Variants in DDHD1 observed in about 807,000 individuals in gnomAD.
DDHD1 encodes phospholipase DDHD1.
DDHD1 carries 49 observed loss-of-function variants against 96.4 expected under a neutral mutation model. The ratio of observed to expected loss-of-function variants is 0.51; its 90% CI spans 0.40 to 0.64. DDHD1 has a LOEUF of 0.64. Ranked by LOEUF, DDHD1 falls within the 30% of genes least tolerant of loss-of-function variation. The probability of loss-of-function intolerance (pLI) is 0.00; values close to 1 mark genes in which losing one functional copy is unlikely to be tolerated. For missense variants in DDHD1, 1,106 were observed against 1,161.2 expected (o/e 0.95, Z 0.69); for synonymous variants, 442 against 446.5 (o/e 0.99, Z 0.13).
intron 4 of DDHD1, among the ~76,000 whole-genome samples, chr14:53,086,972 C>CAAAAAA (rs60569444): frequency 3.8e-5 from 2 of 52,206 alleles, no homozygotes; most frequent in African/African-American, 7.2e-5. Flanking sequence ...AAATGAAAAG[C>CAAAAAA]AAAAAAAAAA....
At position 53,153,110 on chromosome 14, in the gene DDHD1, GCCGCCGGCTGT is replaced by G; in HGVS notation, c.-23_-13del. ...CCCGGGTAATTCATGCTGTGGAGACGCCGCCGGCTGTCCGGCGGCGCGCGGAGCCGTGACCC... is the reference window on the plus strand; with the variant it reads ...CCCGGGTAATTCATGCTGTGGAGACGCCGGCGGCGCGCGGAGCCGTGACCC... On this transcript the variant is annotated 5_prime_UTR_variant, in exon 1 of 13. Coordinates refer to ENST00000673822, the MANE Select transcript of DDHD1 (RefSeq NM_001160148.2). The G allele has an allele frequency of 7.2e-7, 1 of 1,379,922 alleles. No homozygotes were observed. 85.5% of individuals were successfully genotyped at this position (1,379,922 alleles called of 1,614,324 possible).
In DDHD1 at chr14:53,063,171, A is replaced by C; in HGVS notation, c.1538T>G (p.Leu513Trp). 1 of 1,613,906 alleles carries C rather than the reference A, an allele frequency of 6.2e-7. No homozygotes were observed. Among genetic ancestry groups the C allele is most frequent in the Non-Finnish European group, 8.5e-7 (1 of 1,179,966 alleles). Residue 513 changes from leucine to tryptophan, a missense_variant, in exon 7 of 13, where the codon TTG becomes TGG. Leu to Trp is a moderately conservative substitution (Grantham distance 61). Around this residue, in one of 2 missense-constraint regions of DDHD1, gnomAD observed 650 missense variants for 758.8 expected, o/e 0.86. Transcript: ENST00000673822. ...VKGLQQELNR[L>W]YSLFCSRNPD... ...ATTCCGAGAACAGAAAAGGGAATAC[A>C]ATCGATTCAGCTCTTGCTGAAGGCC...
At chr14:53,070,136 A>G (rs1027100913) in intron 6 of DDHD1, among the ~76,000 whole-genome samples, 1 of 152,184 alleles carries the variant, frequency 6.6e-6, no homozygotes, top group Non-Finnish European at 1.5e-5. Context: ...GTGTATTTGT[A>G]TGGTAACATG....
At position 53,152,109 on chromosome 14, in the gene DDHD1, C is replaced by G. The variant is rs550714560; in HGVS notation, c.838+152G>C. 119 of 824,150 alleles carry G rather than the reference C, an allele frequency of 1.4e-4. No homozygotes were observed. The African/African-American group carries it at 2.0e-3, about 14-fold the overall frequency. 51.1% of individuals were successfully genotyped at this position (824,150 alleles called of 1,614,324 possible). On this transcript the variant is annotated intron_variant, in intron 1 of 12. Coordinates refer to ENST00000673822, the MANE Select transcript of DDHD1 (RefSeq NM_001160148.2). ...ATCTGCTCGTTTACCCTTCAGCTGC[C>G]GACGCTCCCTGCTCAATCTCCATCC...
rs886972033 is a variant in DDHD1 at position 53,039,535 on chromosome 14, A to C, written c.*7233T>G. ...CACAAAGCAGAAAATAATTTTAACA[A>C]GGAGCAGGAAAGGATTCAAGACATG... is the stretch of plus-strand genomic sequence containing the variant. On this transcript the variant is annotated 3_prime_UTR_variant, in exon 13 of 13. Coordinates refer to ENST00000673822, the MANE Select transcript of DDHD1 (RefSeq NM_001160148.2). 6.6e-6 allele frequency: 1 copy of C among 152,352 alleles called. No individual in the cohort carries two copies. Among genetic ancestry groups the C allele is most frequent in the Non-Finnish European group, 1.5e-5 (1 of 68,180 alleles). The allele number at this position is 152,352 out of a possible 1,614,324, so 9.4% of individuals were successfully genotyped here.
chr14:53,046,895 C>A lies in DDHD1; in HGVS notation c.2576G>T (p.Arg859Leu), dbSNP rs1284180894. 2 of 1,613,280 alleles carry A rather than the reference C, an allele frequency of 1.2e-6. No homozygotes were observed. The highest frequency in any genetic ancestry group is 1.7e-6 in the Non-Finnish European group (2 of 1,179,588). The stretch of plus-strand genomic sequence containing the variant: ...ATGCGACGTGACAGCTGACCAATAG[C>A]GGCTCTCCACAAGGCCTTCTCTGAG... ...FELREGLVESRYWSAVTSHTA... is the reference protein window; with the variant it reads ...FELREGLVESLYWSAVTSHTA... Residue 859 changes from arginine to leucine, a missense_variant, in exon 13 of 13, where the codon CGC becomes CTC. Transcript: ENST00000673822.
At chr14:53,145,816 C>CCTGA (rs1890942014) in intron 1 of DDHD1, among the ~76,000 whole-genome samples, 3 of 152,294 alleles carry the variant, frequency 2.0e-5, no homozygotes, top group Admixed American at 2.0e-4. Context: ...CAAAGGGTGA[C>CCTGA]CTGACCCCCA....
chr14:53,046,855 T>C lies in DDHD1; in HGVS notation c.2616A>G (p.Ser872=). The C allele has an allele frequency of 6.2e-7, 1 of 1,613,688 alleles. No individual in the cohort carries two copies. The highest frequency in any genetic ancestry group is 2.2e-5 in the East Asian group (1 of 44,856). ...SAVTSHTAYW[S]SLDVALFLLT... ...AAAGAAAAAGGGCAACATCCAAGGA[T>C]GACCAATAGGCAGTATGCGACGTGA... Residue 872 remains serine (S), a synonymous_variant, in exon 13 of 13, where the codon TCA becomes TCG. Transcript: ENST00000673822.
chr14:53,072,402 T>C (rs1486375015), intron 6 of DDHD1, among the ~76,000 whole-genome samples, 195 bp downstream of exon 6: 3 of 152,058 alleles, frequency 2.0e-5, no homozygotes, highest in Non-Finnish European at 4.4e-5. Flanking sequence ...TCCCCCAACC[T>C]GAGACCATCT....
At chr14:53,093,611 GTA>G (rs1886625813) in intron 2 of DDHD1, 167 bp from the exon 3 acceptor site, 1 of 763,376 alleles carries the variant, frequency 1.3e-6, no homozygotes, top group South Asian at 2.0e-5. Context: ...TGTGAAGCAA[GTA>G]ATGGATAGGG....
intron 4 of DDHD1, among the ~76,000 whole-genome samples, chr14:53,079,212 T>G (rs907268773): frequency 6.6e-6 from 1 of 152,190 alleles, no homozygotes; most frequent in African/African-American, 2.4e-5. Context: ...TAATACTGGC[T>G]TCATAGAATG....
At chr14:53,138,936 T>A (rs1429870896) in intron 1 of DDHD1, among the ~76,000 whole-genome samples, 1 of 152,008 alleles carries the variant, frequency 6.6e-6, no homozygotes, top group South Asian at 2.1e-4. Context: ...GTGGCAGGTA[T>A]GGAAAGGTCT....
chr14:53,096,539 TC>T (rs1445083964), intron 2 of DDHD1, among the ~76,000 whole-genome samples: 3 of 151,992 alleles, frequency 2.0e-5, no homozygotes, highest in Non-Finnish European at 4.4e-5. Context: ...ATTTATAAAC[TC>T]CATCTTTACA....
chr14:53,132,213 G>C (rs1221009983), intron 1 of DDHD1, among the ~76,000 whole-genome samples: 2 of 152,102 alleles, frequency 1.3e-5, no homozygotes, highest in Non-Finnish European at 2.9e-5. Flanking sequence ...GCGCAGGGCT[G>C]TGTGGTCAGG....
At position 53,039,252 on chromosome 14, in the gene DDHD1, G is replaced by A. The variant is rs1004120509; in HGVS notation, c.*7516C>T. 2.6e-5 allele frequency: 4 copies of A among 152,144 alleles called. No homozygotes were observed. Among genetic ancestry groups the A allele is most frequent in the African/African-American group, 9.7e-5 (4 of 41,426 alleles). 9.4% of individuals were successfully genotyped at this position (152,144 alleles called of 1,614,324 possible). A position where few individuals can be genotyped will look rare whatever the true frequency, so the allele number is the denominator to read the frequency against. On this transcript the variant is annotated 3_prime_UTR_variant, in exon 13 of 13. Coordinates refer to ENST00000673822, the MANE Select transcript of DDHD1 (RefSeq NM_001160148.2). ...ACAGGAAAGGGTGGAGTTTTGCCAT[G>A]GATGGCTCCATCCTCATATCACCCC...
chr14:53,038,066 C>A lies in DDHD1; in HGVS notation c.*8702G>T, dbSNP rs928723857. 6.6e-6 allele frequency: 1 copy of A among 152,060 alleles called. No homozygotes were observed. Among genetic ancestry groups the A allele is most frequent in the African/African-American group, 2.4e-5 (1 of 41,414 alleles). The allele number at this position is 152,060 out of a possible 1,614,324, so 9.4% of individuals were successfully genotyped here. A position where few individuals can be genotyped will look rare whatever the true frequency, so the allele number is the denominator to read the frequency against. On this transcript the variant is annotated 3_prime_UTR_variant, in exon 13 of 13. Transcript: ENST00000673822. ...CATATCTCAAAATAATAAGAGCCAT[C>A]TACAACCAACCCACAGACATCATAC...
intron 4 of DDHD1, among the ~76,000 whole-genome samples, chr14:53,075,637 T>C (rs1884890859): frequency 6.6e-6 from 1 of 152,156 alleles, no homozygotes; most frequent in Non-Finnish European, 1.5e-5. Context: ...AAACAACATA[T>C]TCTCAATGTA....
At chr14:53,048,887 CAGTT>C (rs1882281558) in intron 12 of DDHD1, 1 of 152,160 alleles carries the variant, frequency 6.6e-6, no homozygotes, top group Non-Finnish European at 1.5e-5. Flanking sequence ...AGATGAAAAA[CAGTT>C]GGAAAATGTG....
intron 1 of DDHD1, among the ~76,000 whole-genome samples, chr14:53,133,455 G>A (rs951478175): frequency 6.6e-6 from 1 of 152,160 alleles, no homozygotes; most frequent in African/African-American, 2.4e-5. Context: ...CATTCAGGCA[G>A]TCTCCCAGTC....
Sources: allele counts gnomAD v4.1 joint callset (sites outside exome capture counted in the v4.1 genomes callset), GRCh38; gene constraint gnomAD v4.1.1; regional missense constraint gnomAD v4.1.1; transcripts MANE v1.5; gene names NCBI Gene and HGNC (gene_info 2026-07-23, HGNC 2026-07-21).